Variants in SYNCRIP observed in about 807,000 individuals in gnomAD.
SYNCRIP encodes heterogeneous nuclear ribonucleoprotein Q.
A neutral mutation model predicts 68.9 loss-of-function variants in SYNCRIP; 9 were observed. That is an observed-to-expected ratio of 0.13 (90% CI 0.08 to 0.23). The LOEUF (loss-of-function observed/expected upper bound fraction) is 0.23. Ranked by LOEUF, SYNCRIP falls within the 10% of genes least tolerant of loss-of-function variation. The pLI is 1.00. For synonymous variants in SYNCRIP, 258 were observed against 254.0 expected (o/e 1.02, Z -0.15); for missense variants, 414 against 770.6 (o/e 0.54, Z 5.48).
intron 6 of SYNCRIP, among the ~76,000 whole-genome samples, chr6:85,627,404 C>CT (rs1392429514): frequency 6.6e-6 from 1 of 151,882 alleles, no homozygotes; most frequent in Non-Finnish European, 1.5e-5. Flanking sequence ...AAAGTAGTAC[C>CT]TAGAAATTAA....
At chr6:85,611,868 T>C (rs929994037), downstream of SYNCRIP, 4 of 152,572 alleles carry the variant, frequency 2.6e-5, no homozygotes, top group African/African-American at 9.7e-5. Context: ...ATGAAAAAAC[T>C]TCAAAATATC....
intron 6 of SYNCRIP, among the ~76,000 whole-genome samples, chr6:85,634,479 T>G (rs1033061814): frequency 5.3e-5 from 8 of 152,340 alleles, no homozygotes; most frequent in Middle Eastern, 3.4e-3. Context: ...TACGGGGGAC[T>G]GATTCCAGGA....
At chr6:85,635,860 T>C (rs912558194) in intron 6 of SYNCRIP, among the ~76,000 whole-genome samples, 3 of 148,424 alleles carry the variant, frequency 2.0e-5, no homozygotes, top group African/African-American at 7.5e-5. Context: ...ATAAACCTCA[T>C]GGTAAAGGAA....
rs1413100980 is a variant in SYNCRIP, at chr6:85,640,387, C to T, written c.267+59G>A. On this transcript the variant is annotated intron_variant, in intron 3 of 10. Coordinates refer to ENST00000369622, the MANE Select transcript of SYNCRIP (RefSeq NM_006372.5). Reference sequence around the variant, plus strand: ...AACCATATCTGAGTCTAATAAAATTCAGCAGATAGTATCAAAACTACTCAA... The same window carrying T: ...AACCATATCTGAGTCTAATAAAATTTAGCAGATAGTATCAAAACTACTCAA... 5.1e-6 allele frequency: 8 copies of T among 1,580,820 alleles called. No individual in the cohort carries two copies. The East Asian group carries it at 6.7e-5, about 13-fold the overall frequency.
At chr6:85,612,052 G>T (rs1805292544), downstream of SYNCRIP, 1 of 152,054 alleles carries the variant, frequency 6.6e-6, no homozygotes, top group African/African-American at 2.4e-5. Flanking sequence ...GAAGAAGCAA[G>T]GCTGCTTTTT....
chr6:85,618,378 T>C (rs1220358003), intron 10 of SYNCRIP, among the ~76,000 whole-genome samples: 1 of 140,576 alleles, frequency 7.1e-6, no homozygotes, highest in Non-Finnish European at 1.6e-5. Flanking sequence ...CCACCCCTAC[T>C]AAAAAAAAAA....
chr6:85,643,156 G>A (rs1403557340), upstream of SYNCRIP: 2 of 139,344 alleles, frequency 1.4e-5, no homozygotes, highest in Middle Eastern at 3.7e-3. Context: ...CCCGCCCCCC[G>A]CTCCTTTACC....
At chr6:85,632,974 C>A (rs183232824) in intron 6 of SYNCRIP, among the ~76,000 whole-genome samples, 2 of 151,808 alleles carry the variant, frequency 1.3e-5, no homozygotes, top group Admixed American at 1.3e-4. Flanking sequence ...TACTTAAGGC[C>A]GGGCGCGGTG....
exon 12 of SYNCRIP, chr6:85,608,670 T>C (rs1805009093): frequency 6.6e-6 from 1 of 152,040 alleles, no homozygotes; most frequent in Admixed American, 6.5e-5. Context: ...ACTAGTCAGG[T>C]ACAAGCTTTT....
intron 10 of SYNCRIP, among the ~76,000 whole-genome samples, chr6:85,617,548 G>A (rs1805923321): frequency 6.6e-6 from 1 of 152,178 alleles, no homozygotes; most frequent in Admixed American, 6.5e-5. Context: ...AACCTACAAA[G>A]TATATTTTCT....
chr6:85,636,262 T>C (rs963943193), intron 6 of SYNCRIP, among the ~76,000 whole-genome samples: 139 of 152,128 alleles, frequency 9.1e-4, no homozygotes, highest in African/African-American at 2.8e-3. Flanking sequence ...CTGGCCAACA[T>C]GGCGAAACCC....
chr6:85,623,043 A>G (rs1230322478), intron 7 of SYNCRIP, among the ~76,000 whole-genome samples: 1 of 152,176 alleles, frequency 6.6e-6, no homozygotes, highest in Non-Finnish European at 1.5e-5. Flanking sequence ...TGCAAACACT[A>G]AAATTATTTT....
At chr6:85,622,189 T>C (rs1006066658) in intron 8 of SYNCRIP, among the ~76,000 whole-genome samples, 2 of 151,872 alleles carry the variant, frequency 1.3e-5, no homozygotes, top group East Asian at 1.9e-4. Flanking sequence ...CTGACCAACA[T>C]GGTGAAACCC....
intron 1 of SYNCRIP, among the ~76,000 whole-genome samples, chr6:85,642,246 C>T (rs1221144821): frequency 6.6e-6 from 1 of 152,126 alleles, no homozygotes; most frequent in Non-Finnish European, 1.5e-5. Context: ...TGACACATGG[C>T]TCTCCGCCCC....
rs1280554271 is a variant in SYNCRIP, at chr6:85,637,503, T to G, written c.376-147A>C. On this transcript the variant is annotated intron_variant, in intron 4 of 10. Coordinates refer to ENST00000369622, the MANE Select transcript of SYNCRIP (RefSeq NM_006372.5). ...AGGTTTGTGATGTCTGTTTTAAAAT[T>G]TCCCCTTAAATGTGTACTTGTTATA... The G allele has an allele frequency of 8.6e-6, 5 of 584,638 alleles. No individual in the cohort carries two copies. The African/African-American group carries it at 9.3e-5, about 11-fold the overall frequency. The allele number at this position is 584,638 out of a possible 1,614,324, so 36.2% of individuals were successfully genotyped here.
intron 4 of SYNCRIP, among the ~76,000 whole-genome samples, chr6:85,638,164 G>A (rs1487948678): frequency 6.6e-6 from 1 of 151,992 alleles, no homozygotes; most frequent in East Asian, 1.9e-4. Context: ...AGGACATCAG[G>A]AGCTCAAGAC....
chr6:85,641,232 CAA>C, intron 2 of SYNCRIP, 58 bp downstream of exon 2: 1 of 1,487,754 alleles, frequency 6.7e-7, no homozygotes, highest in Non-Finnish European at 9.2e-7. Context: ...TATTTTAGCT[CAA>C]AGCCAGAAAT....
Position 85,614,391 on chromosome 6 carries a change from G to C in SYNCRIP, c.*365C>G. On this transcript the variant is annotated 3_prime_UTR_variant, in exon 11 of 11. Transcript: ENST00000369622. ...AACATACAAAGTTATTCTGATACAA[G>C]ATATTAAAGACACACTTGGTTTTAA... 1 of 999,816 alleles carries C rather than the reference G, an allele frequency of 1.0e-6. No homozygotes were observed. Among genetic ancestry groups the C allele is most frequent in the Non-Finnish European group, 1.2e-6 (1 of 839,862 alleles). The allele number at this position is 999,816 out of a possible 1,614,324, so 61.9% of individuals were successfully genotyped here.
chr6:85,631,339 C>CAAA (rs71003000), intron 6 of SYNCRIP, among the ~76,000 whole-genome samples: 26,467 of 91,292 alleles, frequency 0.29, 3,873 homozygotes, highest in East Asian at 0.46. Flanking sequence ...ACTGTGTCTC[C>CAAA]AAAAAAAAAA....
Sources: allele counts gnomAD v4.1 joint callset (sites outside exome capture counted in the v4.1 genomes callset), GRCh38; gene constraint gnomAD v4.1.1; transcripts MANE v1.5; gene names NCBI Gene and HGNC (gene_info 2026-07-23, HGNC 2026-07-21).